DPH6: variants seen among roughly 807,000 people sequenced by gnomAD.
DPH6 encodes the protein diphthamine biosynthesis 6, also known as diphthine--ammonia ligase.
DPH6 carries 33 observed loss-of-function variants against 38.2 expected under a neutral mutation model. That is an observed-to-expected ratio of 0.86 (90% confidence interval 0.65 to 1.15). The LOEUF (loss-of-function observed/expected upper bound fraction) is 1.15. Ranked by LOEUF, DPH6 falls within the 50% of genes most tolerant of loss-of-function variation. DPH6 has a pLI of 0.00. For missense variants in DPH6, 325 were observed against 320.0 expected (o/e 1.02, Z -0.12); for synonymous variants, 108 against 103.0 (o/e 1.05, Z -0.30).
intron 3 of DPH6, among the ~76,000 whole-genome samples, chr15:35,456,242 T>C (rs2053994477): frequency 6.6e-6 from 1 of 152,156 alleles, no homozygotes; most frequent in East Asian, 1.9e-4. Flanking sequence ...GAGTTCCTTA[T>C]TAAATGTAAA....
intron 4 of DPH6, among the ~76,000 whole-genome samples, chr15:35,453,623 C>T (rs879626035): frequency 1.3e-5 from 2 of 152,094 alleles, no homozygotes; most frequent in Non-Finnish European, 1.5e-5. Context: ...TCCTTCCCCA[C>T]TCCATCATCA....
the DPH6 span, among the ~76,000 whole-genome samples, chr15:35,148,661 C>A: frequency 6.6e-6 from 1 of 152,098 alleles, no homozygotes; most frequent in Non-Finnish European, 1.5e-5. Flanking sequence ...TTTCCATAGA[C>A]CCGGAGGCAT....
chr15:35,509,984 G>A (rs1175102104), intron 3 of DPH6, among the ~76,000 whole-genome samples: 2 of 152,186 alleles, frequency 1.3e-5, no homozygotes, highest in Non-Finnish European at 2.9e-5. Context: ...GGGATGCCAA[G>A]GCAGGGGGAC....
intron 3 of DPH6, chr15:35,237,482 G>C (rs1337485097): frequency 6.3e-7 from 1 of 1,581,168 alleles, no homozygotes; most frequent in Admixed American, 1.7e-5. Context: ...AACCAACGTA[G>C]GCCTCACCTC....
intron 5 of DPH6, among the ~76,000 whole-genome samples, chr15:35,436,500 A>AAAAC (rs2053711838): frequency 1.7e-5 from 1 of 60,558 alleles, no homozygotes; most frequent in Non-Finnish European, 3.5e-5. Context: ...AAAACAAAAC[A>AAAAC]AAACAAAACA....
chr15:35,215,081 A>G (rs2051404493), downstream of DPH6, among the ~76,000 whole-genome samples: 1 of 152,218 alleles, frequency 6.6e-6, no homozygotes, highest in Non-Finnish European at 1.5e-5. Context: ...TAATTCACCA[A>G]ATAGTTTACC....
intron 3 of DPH6, among the ~76,000 whole-genome samples, chr15:35,313,350 A>T (rs577607015): frequency 7.1e-6 from 1 of 140,412 alleles, no homozygotes; most frequent in Non-Finnish European, 1.6e-5. Context: ...ACATTTCAGG[A>T]TTTTTTTTTT....
intron 6 of DPH6, among the ~76,000 whole-genome samples, chr15:35,393,678 T>G (rs529545402): frequency 4.6e-4 from 70 of 152,278 alleles, no homozygotes; most frequent in African/African-American, 1.7e-3. Context: ...CAAAGGATTC[T>G]TTTATGGCCC....
At chr15:35,163,678 G>A in the DPH6 span, among the ~76,000 whole-genome samples, 21 of 151,818 alleles carry the variant, frequency 1.4e-4, no homozygotes, top group African/African-American at 5.1e-4. Flanking sequence ...ATCTAAATTC[G>A]TCAGCACTTT....
chr15:35,413,893 A>C lies in DPH6; in HGVS notation c.506-2997T>G, dbSNP rs16960866. ...TTAATGTTTTACTCTGCTGATCAGA[A>C]TGCTATAGAGTGAATTTCTACTTTT... is the stretch of plus-strand genomic sequence containing the variant. On this transcript the variant is annotated intron_variant, in intron 5 of 8. Transcript: ENST00000256538. 1.6e-4 allele frequency among the ~76,000 whole-genome samples: 24 copies of C among 151,772 alleles called. No homozygotes were observed. In the East Asian group the frequency reaches 4.1e-3, roughly 26 times the overall value.
chr15:35,261,289 G>A (rs1406618708), intron 3 of DPH6, among the ~76,000 whole-genome samples: 1 of 152,188 alleles, frequency 6.6e-6, no homozygotes, highest in Non-Finnish European at 1.5e-5. Flanking sequence ...ATGCAGAACT[G>A]GAAACGTTCA....
chr15:35,470,690 T>C (rs1266707059), intron 3 of DPH6, among the ~76,000 whole-genome samples: 1 of 152,152 alleles, frequency 6.6e-6, no homozygotes, highest in Non-Finnish European at 1.5e-5. Flanking sequence ...GTCTTACTTC[T>C]GCTAACAAAC....
chr15:35,476,203 T>C (rs1446532346), intron 3 of DPH6, among the ~76,000 whole-genome samples: 3 of 151,860 alleles, frequency 2.0e-5, no homozygotes, highest in African/African-American at 7.2e-5. Flanking sequence ...TAACAATGAC[T>C]AGCTGTGGGA....
intron 3 of DPH6, among the ~76,000 whole-genome samples, chr15:35,515,676 G>A (rs895577015): frequency 2.1e-5 from 3 of 140,826 alleles, no homozygotes; most frequent in African/African-American, 5.3e-5. Flanking sequence ...AGCCAAGATC[G>A]TGCCACTACA....
chr15:35,161,223 G>A, the DPH6 span, among the ~76,000 whole-genome samples: 1 of 151,988 alleles, frequency 6.6e-6, no homozygotes, highest in Non-Finnish European at 1.5e-5. Flanking sequence ...TACTCTGCTA[G>A]TATTCTTGTT....
intron 3 of DPH6, among the ~76,000 whole-genome samples, chr15:35,515,728 A>AG (rs1276906357): frequency 7.4e-5 from 11 of 149,308 alleles, no homozygotes; most frequent in Non-Finnish European, 1.6e-4. Flanking sequence ...CTCAGAAAAA[A>AG]AAAAAAAAAA....
At chr15:35,476,842 T>G (rs1388421379) in intron 3 of DPH6, among the ~76,000 whole-genome samples, 1 of 151,870 alleles carries the variant, frequency 6.6e-6, no homozygotes, top group Non-Finnish European at 1.5e-5. Flanking sequence ...AGTTATAGAA[T>G]AGTAAATGTT....
chr15:35,369,573 A>G (rs1260065576), downstream of DPH6, among the ~76,000 whole-genome samples: 1 of 151,300 alleles, frequency 6.6e-6, no homozygotes, highest in South Asian at 2.1e-4. Context: ...AGGCATATCA[A>G]CTAACTCTGA....
intron 2 of DPH6, among the ~76,000 whole-genome samples, chr15:35,541,543 G>T (rs1057382108): frequency 3.3e-5 from 5 of 152,094 alleles, no homozygotes; most frequent in African/African-American, 1.2e-4. Context: ...TACGACTGAT[G>T]TTCTCACATA....
Sources: gnomAD v4.1 joint callset for allele counts (sites outside exome capture counted in the v4.1 genomes callset) on GRCh38, gnomAD v4.1.1 for gene constraint, MANE v1.5 for transcripts, NCBI Gene and HGNC (gene_info 2026-07-23, HGNC 2026-07-21) for gene names.